MIPOL1: variants seen among roughly 807,000 people sequenced by gnomAD.
MIPOL1 encodes mirror-image polydactyly 1.
Under a neutral mutation model 60.9 loss-of-function variants are expected in MIPOL1, and 57 were observed. The ratio of observed to expected loss-of-function variants is 0.94; its 90% CI spans 0.76 to 1.17. MIPOL1 has a LOEUF of 1.17. Among genes scored for constraint, MIPOL1 ranks in the 50% most tolerant of loss-of-function variants. MIPOL1 has a pLI of 0.00. For synonymous variants in MIPOL1, 179 were observed against 168.8 expected (o/e 1.06, Z -0.47); for missense variants, 551 against 511.6 (o/e 1.08, Z -0.74).
At position 37,396,208 on chromosome 14, in the gene MIPOL1, G is replaced by T. The variant is rs529479737; in HGVS notation, c.936+26584G>T. Among the ~76,000 whole-genome samples the T allele has an allele frequency of 2.6e-5, 4 of 152,172 alleles. No homozygotes were observed. The East Asian group carries it at 7.7e-4, about 29-fold the overall frequency. On this transcript the variant is annotated intron_variant, in intron 10 of 12. Coordinates refer to ENST00000684589, the MANE Select transcript of MIPOL1 (RefSeq NM_001388067.1). ...TCTCACCATTTGTTTGTCTGAAAAAGACTGTATCTTTCCTTCATACATGAT... is the reference window on the plus strand; with the variant it reads ...TCTCACCATTTGTTTGTCTGAAAAATACTGTATCTTTCCTTCATACATGAT...
At chr14:37,343,971 A>G (rs1430644076) in intron 9 of MIPOL1, among the ~76,000 whole-genome samples, 2 of 152,126 alleles carry the variant, frequency 1.3e-5, no homozygotes, top group African/African-American at 4.8e-5. Context: ...TTTTTAAAAT[A>G]TATGTCTCCC....
chr14:37,223,630 G>A (rs1481573452), intron 1 of MIPOL1, among the ~76,000 whole-genome samples: 1 of 151,954 alleles, frequency 6.6e-6, no homozygotes, highest in African/African-American at 2.4e-5. Context: ...AGCCTGCCAA[G>A]TAGCTGGGAT....
intron 11 of MIPOL1, among the ~76,000 whole-genome samples, chr14:37,446,654 G>C (rs921886192): frequency 1.3e-5 from 2 of 152,106 alleles, no homozygotes; most frequent in Non-Finnish European, 2.9e-5. Flanking sequence ...ATTCACAATA[G>C]CAAAGACTTG....
intron 11 of MIPOL1, among the ~76,000 whole-genome samples, chr14:37,481,244 A>G (rs926758024): frequency 4.6e-5 from 7 of 152,178 alleles, no homozygotes; most frequent in Non-Finnish European, 8.8e-5. Flanking sequence ...TATCTGAACC[A>G]GAAATCAAGA....
At chr14:37,404,710 A>G (rs1224405641) in intron 10 of MIPOL1, among the ~76,000 whole-genome samples, 2 of 152,210 alleles carry the variant, frequency 1.3e-5, no homozygotes, top group Admixed American at 6.5e-5. Context: ...AGTTACAGAA[A>G]GAGAAGGATA....
At chr14:37,278,896 C>T (rs1163530576) in intron 6 of MIPOL1, 2 of 151,780 alleles carry the variant, frequency 1.3e-5, no homozygotes, top group African/African-American at 4.8e-5. Context: ...CATATTTACT[C>T]TTGCCCATAT....
chr14:37,220,485 A>G (rs1968562811), intron 1 of MIPOL1, among the ~76,000 whole-genome samples: 1 of 152,196 alleles, frequency 6.6e-6, no homozygotes, highest in Non-Finnish European at 1.5e-5. Context: ...GCTTATTGCC[A>G]GCATGGGAGT....
chr14:37,241,612 C>T (rs1594686111), intron 1 of MIPOL1, among the ~76,000 whole-genome samples: 2 of 151,512 alleles, frequency 1.3e-5, no homozygotes, highest in East Asian at 1.9e-4. Context: ...GGGCGGAAAC[C>T]GTTACATTGA....
intron 11 of MIPOL1, among the ~76,000 whole-genome samples, chr14:37,481,970 A>G (rs918200659): frequency 1.3e-5 from 2 of 152,194 alleles, no homozygotes; most frequent in African/African-American, 4.8e-5. Flanking sequence ...AAAGGCCAGA[A>G]ACTATAAAAC....
chr14:37,532,294 T>C (rs1439103503), intron 12 of MIPOL1, among the ~76,000 whole-genome samples: 1 of 152,142 alleles, frequency 6.6e-6, no homozygotes, highest in African/African-American at 2.4e-5. Context: ...CTGATATAGT[T>C]TACTAGTGTC....
intron 7 of MIPOL1, among the ~76,000 whole-genome samples, chr14:37,295,478 C>A (rs11845344): frequency 6.6e-6 from 1 of 152,102 alleles, no homozygotes; most frequent in Non-Finnish European, 1.5e-5. Flanking sequence ...TGTAAATGGG[C>A]TAAATGCTCC....
At chr14:37,265,564 C>T (rs955722431) in intron 3 of MIPOL1, among the ~76,000 whole-genome samples, 8 of 152,166 alleles carry the variant, frequency 5.3e-5, no homozygotes, top group African/African-American at 1.2e-4. Context: ...TATAGTGTAA[C>T]GCAGGATGGC....
intron 10 of MIPOL1, among the ~76,000 whole-genome samples, chr14:37,390,814 TAG>T (rs1362418009): frequency 6.6e-6 from 1 of 151,868 alleles, no homozygotes; most frequent in Non-Finnish European, 1.5e-5. Flanking sequence ...TAGGTATAAT[TAG>T]AGTCTCTGAA....
intron 10 of MIPOL1, among the ~76,000 whole-genome samples, chr14:37,399,028 C>G (rs2093430799): frequency 6.6e-6 from 1 of 152,150 alleles, no homozygotes; most frequent in Non-Finnish European, 1.5e-5. Flanking sequence ...ACTTGATATA[C>G]TATAGAAAGC....
chr14:37,475,682 C>T (rs1196513305), intron 11 of MIPOL1, among the ~76,000 whole-genome samples: 1 of 152,050 alleles, frequency 6.6e-6, no homozygotes, highest in Admixed American at 6.6e-5. Context: ...AAAAAAGAAA[C>T]TATTCTTTGT....
chr14:37,508,180 CTTTGAAAATATG>C (rs2095296762), intron 12 of MIPOL1, among the ~76,000 whole-genome samples: 1 of 152,090 alleles, frequency 6.6e-6, no homozygotes, highest in Non-Finnish European at 1.5e-5. Context: ...TTAGAAAGTT[CTTTGAAAATATG>C]TCAGTATTCC....
At chr14:37,447,262 AC>A (rs1195195190) in intron 11 of MIPOL1, among the ~76,000 whole-genome samples, 12 of 152,194 alleles carry the variant, frequency 7.9e-5, no homozygotes, top group African/African-American at 2.9e-4. Context: ...CACATCCTTC[AC>A]AAAAATTACC....
intron 9 of MIPOL1, among the ~76,000 whole-genome samples, chr14:37,317,090 T>C (rs1475581262): frequency 1.3e-5 from 2 of 152,182 alleles, no homozygotes; most frequent in African/African-American, 2.4e-5. Context: ...TGGCTTTTGT[T>C]AGGAACAGGG....
At chr14:37,204,039 C>T (rs1965703603) in intron 1 of MIPOL1, among the ~76,000 whole-genome samples, 2 of 152,052 alleles carry the variant, frequency 1.3e-5, no homozygotes, top group Non-Finnish European at 2.9e-5. Context: ...ACCTTGGCCT[C>T]TCAAAGTGCT....
Sources: allele counts gnomAD v4.1 joint callset (sites outside exome capture counted in the v4.1 genomes callset), GRCh38; gene constraint gnomAD v4.1.1; transcripts MANE v1.5; gene names NCBI Gene and HGNC (gene_info 2026-07-23, HGNC 2026-07-21).